GOLM2: variants seen among roughly 807,000 people sequenced by gnomAD.
GOLM2 encodes protein GOLM2.
A neutral mutation model predicts 55.9 loss-of-function variants in GOLM2; 26 were observed. The observed-to-expected ratio is 0.47, with a 90% CI of 0.34 to 0.65. GOLM2 has a LOEUF of 0.65. Among genes scored for constraint, GOLM2 ranks in the 30% least tolerant of loss-of-function variants. The pLI is 0.01. For synonymous variants in GOLM2, 165 were observed against 194.6 expected, an observed-to-expected ratio of 0.85 and a Z score of 1.27; for missense variants, 486 against 531.8, an observed-to-expected ratio of 0.91 and a Z score of 0.85.
At chr15:44,401,353 C>A (rs1171571737) in intron 8 of GOLM2, among the ~76,000 whole-genome samples, 2 of 152,052 alleles carry the variant, frequency 1.3e-5, no homozygotes, top group African/African-American at 4.8e-5. Flanking sequence ...TAGCCTTGGA[C>A]TCCTGGGCTT....
chr15:44,372,520 T>C (rs1231545430), intron 6 of GOLM2, among the ~76,000 whole-genome samples: 1 of 152,242 alleles, frequency 6.6e-6, no homozygotes, highest in Non-Finnish European at 1.5e-5. Flanking sequence ...GTCATCTTTG[T>C]AAGCATCTTA....
At chr15:44,338,459 G>A in intron 6 of GOLM2, 142 bp downstream of exon 6, 1 of 632,792 alleles carries the variant, frequency 1.6e-6, no homozygotes, top group African/African-American at 1.9e-5. Flanking sequence ...CCCATTAATT[G>A]CCAGGACTTT....
At chr15:44,373,875 C>T (rs527643346) in intron 6 of GOLM2, among the ~76,000 whole-genome samples, 16 of 151,694 alleles carry the variant, frequency 1.1e-4, no homozygotes, top group African/African-American at 3.6e-4. Context: ...CTAAGATGGG[C>T]GAATCACTTG....
chr15:44,336,654 C>T (rs1300119765), intron 4 of GOLM2, among the ~76,000 whole-genome samples: 1 of 151,856 alleles, frequency 6.6e-6, no homozygotes, highest in Admixed American at 6.6e-5. Context: ...CGGTGGCTCA[C>T]GCCTGTAATC....
At chr15:44,292,384 G>A (rs188441636) in intron 1 of GOLM2, among the ~76,000 whole-genome samples, 1 of 152,002 alleles carries the variant, frequency 6.6e-6, no homozygotes, top group East Asian at 1.9e-4. Context: ...TTTTAGTAGA[G>A]ATGGGGTTTC....
chr15:44,359,418 T>G (rs1413825174), intron 6 of GOLM2, among the ~76,000 whole-genome samples: 1 of 151,752 alleles, frequency 6.6e-6, no homozygotes, highest in Non-Finnish European at 1.5e-5. Context: ...AAACCCCGTC[T>G]CTACTAAAAA....
In GOLM2 at chr15:44,399,053, A is replaced by T. The variant is rs12440019; in HGVS notation, c.1073-3834A>T. 7.0e-3 allele frequency among the ~76,000 whole-genome samples: 1,070 copies of T among 152,204 alleles called. 25 individuals are homozygous for T. Among genetic ancestry groups the T allele is most frequent in the East Asian group, 0.063 (327 of 5,186 alleles). On this transcript the variant is annotated intron_variant, in intron 8 of 9. Coordinates refer to ENST00000299957, the MANE Select transcript of GOLM2 (RefSeq NM_138423.4). ...CAAATTAATCTCTTTACTATCTTCTAAATACCCCATCTTTGTTCTTACCTG... is the reference window on the plus strand; with the variant it reads ...CAAATTAATCTCTTTACTATCTTCTTAATACCCCATCTTTGTTCTTACCTG...
At chr15:44,335,029 C>T (rs1451799505) in intron 4 of GOLM2, among the ~76,000 whole-genome samples, 2 of 151,970 alleles carry the variant, frequency 1.3e-5, no homozygotes, top group Non-Finnish European at 2.9e-5. Flanking sequence ...GACTACATCT[C>T]AAAAATTAAA....
At chr15:44,353,306 G>A (rs1199254539) in intron 6 of GOLM2, among the ~76,000 whole-genome samples, 1 of 152,170 alleles carries the variant, frequency 6.6e-6, no homozygotes, top group African/African-American at 2.4e-5. Context: ...AATTAGTTCA[G>A]CCACTATGAA....
chr15:44,353,680 A>C (rs1192010419), intron 6 of GOLM2, among the ~76,000 whole-genome samples: 1 of 152,168 alleles, frequency 6.6e-6, no homozygotes. Context: ...CAGACACAGA[A>C]AGACAAACTT....
intron 1 of GOLM2, among the ~76,000 whole-genome samples, chr15:44,317,445 G>T (rs1372498207): frequency 6.6e-6 from 1 of 152,156 alleles, no homozygotes; most frequent in East Asian, 1.9e-4. Context: ...TGATGTTCTT[G>T]GAAGGGCAAC....
intron 8 of GOLM2, among the ~76,000 whole-genome samples, chr15:44,397,877 A>G (rs929493479): frequency 6.6e-6 from 1 of 152,216 alleles, no homozygotes; most frequent in African/African-American, 2.4e-5. Context: ...AGCATTAATT[A>G]TAGTTTCCAG....
intron 8 of GOLM2, among the ~76,000 whole-genome samples, chr15:44,399,273 CCTTAA>C (rs1301548267): frequency 2.0e-5 from 3 of 152,144 alleles, no homozygotes; most frequent in South Asian, 2.1e-4. Context: ...TGTCTGATCT[CCTTAA>C]CTTGATTGGC....
At chr15:44,298,183 T>G (rs2078771144) in intron 1 of GOLM2, among the ~76,000 whole-genome samples, 5 of 151,700 alleles carry the variant, frequency 3.3e-5, no homozygotes. Context: ...CTACCAATCT[T>G]TTATCCAGCT....
chr15:44,397,769 A>G (rs1462961157), intron 8 of GOLM2, among the ~76,000 whole-genome samples: 1 of 152,146 alleles, frequency 6.6e-6, no homozygotes, highest in Non-Finnish European at 1.5e-5. Flanking sequence ...CTATGTGTCT[A>G]TAAAACATTT....
At chr15:44,290,108 A>C (rs1426390187) in intron 1 of GOLM2, among the ~76,000 whole-genome samples, 2 of 152,228 alleles carry the variant, frequency 1.3e-5, no homozygotes, top group African/African-American at 4.8e-5. Context: ...CTAAGTTGCT[A>C]TTAGGGTTGG....
intron 6 of GOLM2, among the ~76,000 whole-genome samples, chr15:44,354,333 A>T (rs2079183675): frequency 6.6e-6 from 1 of 151,362 alleles, no homozygotes; most frequent in African/African-American, 2.4e-5. Flanking sequence ...TAGCATTAGG[A>T]GATATACCTA....
intron 1 of GOLM2, among the ~76,000 whole-genome samples, chr15:44,296,923 C>T (rs1227727956): frequency 6.6e-6 from 1 of 152,174 alleles, no homozygotes; most frequent in African/African-American, 2.4e-5. Flanking sequence ...CTGCCTTTGC[C>T]TCTGCCTCAC....
chr15:44,406,326 T>C (rs1325207898), intron 9 of GOLM2: 1 of 151,942 alleles, frequency 6.6e-6, no homozygotes, highest in Admixed American at 6.6e-5. Context: ...GAGGCAGACG[T>C]GTGGTAAGCC....
Sources: gnomAD v4.1 joint callset for allele counts (sites outside exome capture counted in the v4.1 genomes callset) on GRCh38, gnomAD v4.1.1 for gene constraint, MANE v1.5 for transcripts, NCBI Gene and HGNC (gene_info 2026-07-23, HGNC 2026-07-21) for gene names.